Variants in CSMD3 observed in about 807,000 individuals in gnomAD.
CSMD3 encodes the protein CUB and sushi domain-containing protein 3.
CSMD3 carries 177 observed loss-of-function variants against 435.2 expected under a neutral mutation model. The observed-to-expected ratio is 0.41, with a 90% confidence interval of 0.36 to 0.46. The LOEUF is 0.46. Among genes scored for constraint, CSMD3 ranks in the 20% least tolerant of loss-of-function variants. CSMD3 has a pLI of 0.34. For synonymous variants in CSMD3, 1,656 were observed against 1,520.5 expected (o/e 1.09, Z -2.07); for missense variants, 4,265 against 4,504.6 (o/e 0.95, Z 1.52).
At chr8:112,984,766 T>C (rs577064959) in intron 6 of CSMD3, among the ~76,000 whole-genome samples, 3 of 152,218 alleles carry the variant, frequency 2.0e-5, no homozygotes, top group South Asian at 2.1e-4. Flanking sequence ...ACAAACCCTA[T>C]CTTGTATTCA....
intron 27 of CSMD3, among the ~76,000 whole-genome samples, chr8:112,529,264 CAT>C (rs1317611724): frequency 5.3e-5 from 8 of 152,244 alleles, no homozygotes; most frequent in African/African-American, 1.7e-4. Context: ...CTGGTAGTGT[CAT>C]AGTTTCCCCC....
chr8:113,419,413 C>T (rs145706360), intron 1 of CSMD3, among the ~76,000 whole-genome samples: 5 of 152,030 alleles, frequency 3.3e-5, no homozygotes, highest in African/African-American at 9.6e-5. Flanking sequence ...CCACTGTGCC[C>T]GGCCTACACT....
At chr8:112,296,143 CA>C in intron 53 of CSMD3, 137 bp from the exon 54 acceptor site, 1 of 693,930 alleles carries the variant, frequency 1.4e-6, no homozygotes, top group Non-Finnish European at 2.5e-6. Context: ...AACTATATGA[CA>C]TAAAGGTAAC....
chr8:112,876,847 A>C (rs1196767069), intron 10 of CSMD3, among the ~76,000 whole-genome samples: 1 of 152,174 alleles, frequency 6.6e-6, no homozygotes, highest in East Asian at 1.9e-4. Flanking sequence ...ATGATTGTAT[A>C]TTTACAAAAC....
At chr8:113,285,353 G>A (rs1205639180) in intron 2 of CSMD3, among the ~76,000 whole-genome samples, 3 of 88,320 alleles carry the variant, frequency 3.4e-5, no homozygotes, top group South Asian at 3.8e-4. Context: ...TCCACCTCCC[G>A]GGTTCACCCC....
At chr8:112,899,670 C>CAA (rs2082055134) in intron 10 of CSMD3, among the ~76,000 whole-genome samples, 1 of 141,844 alleles carries the variant, frequency 7.1e-6, no homozygotes, top group African/African-American at 2.6e-5. Flanking sequence ...CATACACACA[C>CAA]ACACACACAC....
intron 10 of CSMD3, among the ~76,000 whole-genome samples, chr8:112,917,781 C>T (rs2082617207): frequency 6.6e-6 from 1 of 151,872 alleles, no homozygotes; most frequent in African/African-American, 2.4e-5. Context: ...TATTTCAAAC[C>T]AGGAGATACA....
chr8:112,323,501 C>A (rs1180735382), intron 45 of CSMD3, among the ~76,000 whole-genome samples: 1 of 151,924 alleles, frequency 6.6e-6, no homozygotes, highest in Non-Finnish European at 1.5e-5. Flanking sequence ...TATGGGGGTA[C>A]CCTTAATTCA....
At chr8:112,514,554 C>A (rs1300327460) in intron 28 of CSMD3, among the ~76,000 whole-genome samples, 1 of 152,086 alleles carries the variant, frequency 6.6e-6, no homozygotes, top group African/African-American at 2.4e-5. Flanking sequence ...CTTTCTATCT[C>A]AAAAGCCCAC....
chr8:112,795,664 C>T (rs1050027788), intron 13 of CSMD3, among the ~76,000 whole-genome samples: 1 of 152,040 alleles, frequency 6.6e-6, no homozygotes. Flanking sequence ...CAAGAACGCA[C>T]CTGAGTCTCA....
At chr8:112,481,706 A>T (rs569674453) in intron 31 of CSMD3, among the ~76,000 whole-genome samples, 2 of 152,280 alleles carry the variant, frequency 1.3e-5, no homozygotes, top group East Asian at 1.9e-4. Flanking sequence ...TCTCTCATGG[A>T]GCATTTTTTA....
chr8:112,415,911 C>G (rs1210314899), intron 32 of CSMD3, among the ~76,000 whole-genome samples: 1 of 152,166 alleles, frequency 6.6e-6, no homozygotes, highest in Non-Finnish European at 1.5e-5. Flanking sequence ...GCCTGTACCC[C>G]CATTGTATCT....
chr8:113,353,017 G>A (rs980684721), intron 1 of CSMD3, among the ~76,000 whole-genome samples: 3 of 152,114 alleles, frequency 2.0e-5, no homozygotes, highest in Admixed American at 6.6e-5. Flanking sequence ...ATGATGGAAG[G>A]AATAAGACAA....
At chr8:112,442,872 C>CA (rs1200550316) in intron 32 of CSMD3, among the ~76,000 whole-genome samples, 1 of 152,144 alleles carries the variant, frequency 6.6e-6, no homozygotes, top group African/African-American at 2.4e-5. Flanking sequence ...CAGACAAGGC[C>CA]AACAGCCTGG....
At chr8:112,313,033 ATGATTTAGAATGGTCTCTGACG>A (rs1586739747) in intron 49 of CSMD3, among the ~76,000 whole-genome samples, 1 of 152,128 alleles carries the variant, frequency 6.6e-6, no homozygotes, top group South Asian at 2.1e-4. Flanking sequence ...GGCCTCTGAC[ATGATTTAGAATGGTCTCTGACG>A]TGATTTAGAA....
intron 3 of CSMD3, among the ~76,000 whole-genome samples, chr8:113,249,342 C>T (rs531007727): frequency 2.3e-4 from 35 of 152,142 alleles, no homozygotes; most frequent in African/African-American, 7.9e-4. Flanking sequence ...GACAGCTTAG[C>T]TTAAGAACAG....
chr8:113,389,290 T>G (rs1482111545), intron 1 of CSMD3, among the ~76,000 whole-genome samples: 1 of 151,662 alleles, frequency 6.6e-6, no homozygotes, highest in Non-Finnish European at 1.5e-5. Context: ...ATGTTCTTCC[T>G]AAATTAGTAA....
At chr8:112,997,107 G>A (rs1054983599) in intron 6 of CSMD3, among the ~76,000 whole-genome samples, 2 of 151,562 alleles carry the variant, frequency 1.3e-5, no homozygotes, top group East Asian at 1.9e-4. Context: ...ATGATGAAAT[G>A]AAATGTACAG....
At chr8:113,112,452 T>TAC (rs1348495059) in intron 4 of CSMD3, among the ~76,000 whole-genome samples, 1 of 40,990 alleles carries the variant, frequency 2.4e-5, no homozygotes, top group African/African-American at 1.2e-4. Context: ...TATATATGTA[T>TAC]ATACACACAC....
Sources: allele counts gnomAD v4.1 joint callset (sites outside exome capture counted in the v4.1 genomes callset), GRCh38; gene constraint gnomAD v4.1.1; transcripts MANE v1.5; gene names NCBI Gene and HGNC (gene_info 2026-07-23, HGNC 2026-07-21).